PINX1: variants seen among roughly 807,000 people sequenced by gnomAD.
PINX1 encodes the protein PIN2/TERF1-interacting telomerase inhibitor 1.
Under a neutral mutation model 25.4 loss-of-function variants are expected in PINX1, and 34 were observed. The observed-to-expected ratio is 1.34, with a 90% confidence interval of 1.02 to 1.78. The LOEUF (loss-of-function observed/expected upper bound fraction) is 1.78, where lower values mean the gene tolerates loss of function less well. Ranked by LOEUF, PINX1 falls within the 40% of genes most tolerant of loss-of-function variation. PINX1 has a pLI of 0.00. For synonymous variants in PINX1, 197 were observed against 147.7 expected (o/e 1.33, Z -2.42); for missense variants, 592 against 404.9 (o/e 1.46, Z -3.97).
At chr8:10,825,156 T>G (rs1586200476) in intron 5 of PINX1, among the ~76,000 whole-genome samples, 2 of 152,224 alleles carry the variant, frequency 1.3e-5, no homozygotes, top group Non-Finnish European at 2.9e-5. Flanking sequence ...TTTGGGCTCC[T>G]GGCCCTAAAT....
chr8:10,804,120 A>G (rs1013678421), intron 6 of PINX1, among the ~76,000 whole-genome samples: 4 of 152,200 alleles, frequency 2.6e-5, no homozygotes, highest in Non-Finnish European at 4.4e-5. Flanking sequence ...GAAGACACAC[A>G]CTGTTGAAAG....
At chr8:10,784,339 C>T (rs1272789814) in intron 6 of PINX1, among the ~76,000 whole-genome samples, 1 of 152,208 alleles carries the variant, frequency 6.6e-6, no homozygotes, top group Non-Finnish European at 1.5e-5. Context: ...TAAGCAGGCA[C>T]ACAAATCCAA....
rs1033796532 is a variant in PINX1 at position 10,834,070 on chromosome 8, A to G, written c.129+596T>C. ...TAATTCAAAGTGTGGCAAGGGAATGAATGAGATCACTGCAGCAAAGTGCAA... is the reference window on the plus strand; with the variant it reads ...TAATTCAAAGTGTGGCAAGGGAATGGATGAGATCACTGCAGCAAAGTGCAA... On this transcript the variant is annotated intron_variant, in intron 2 of 6. Coordinates refer to ENST00000314787, the MANE Select transcript of PINX1 (RefSeq NM_017884.6). 9.8e-5 allele frequency among the ~76,000 whole-genome samples: 15 copies of G among 152,304 alleles called. No homozygotes were observed. The East Asian group carries it at 2.9e-3, about 29-fold the overall frequency.
At chr8:10,793,448 T>A (rs949320765) in intron 6 of PINX1, among the ~76,000 whole-genome samples, 2 of 152,156 alleles carry the variant, frequency 1.3e-5, no homozygotes, top group Non-Finnish European at 2.9e-5. Context: ...ACAGCTGATG[T>A]GCTATTTAAA....
Position 10,839,817 on chromosome 8 carries a change from T to G in PINX1, c.-61A>C. The G allele has an allele frequency of 6.5e-7, 1 of 1,536,842 alleles. No individual in the cohort carries two copies. Among genetic ancestry groups the G allele is most frequent in the South Asian group, 1.2e-5 (1 of 84,820 alleles). On this transcript the variant is annotated 5_prime_UTR_variant, in exon 1 of 7. Transcript: ENST00000314787. ...GGGTGACTGCGGCCACTGGGCGGGC[T>G]GGAGACTCCAGGAGAATCAGGACGT...
intron 6 of PINX1, among the ~76,000 whole-genome samples, chr8:10,776,893 A>G (rs1282159118): frequency 6.6e-6 from 1 of 152,138 alleles, no homozygotes; most frequent in Non-Finnish European, 1.5e-5. Flanking sequence ...TGTTTTCATG[A>G]TGTCACAGAA....
At chr8:10,771,620 AC>A (rs1191849293) in intron 6 of PINX1, among the ~76,000 whole-genome samples, 2 of 152,236 alleles carry the variant, frequency 1.3e-5, no homozygotes, top group African/African-American at 2.4e-5. Context: ...CAACAAAGGC[AC>A]AAAGACACCA....
intron 6 of PINX1, among the ~76,000 whole-genome samples, chr8:10,809,396 G>A (rs1195161524): frequency 1.4e-4 from 21 of 152,168 alleles, no homozygotes; most frequent in Non-Finnish European, 1.5e-5. Context: ...GACAGAACAG[G>A]CCCCAAAAGT....
In PINX1 at chr8:10,765,392, G is replaced by T; in HGVS notation, c.*9C>A. 1 of 1,585,732 alleles carries T rather than the reference G, an allele frequency of 6.3e-7. No individual in the cohort carries two copies. Among genetic ancestry groups the T allele is most frequent in the African/African-American group, 1.3e-5 (1 of 74,332 alleles). On this transcript the variant is annotated 3_prime_UTR_variant, in exon 7 of 7. Transcript: ENST00000314787. ...GCTGAGTGGTCGGAAGGCCCCGGCT[G>T]GGAAGGATTCATTTGGAATCTTTCT...
intron 6 of PINX1, among the ~76,000 whole-genome samples, chr8:10,781,334 AAAATATGT>A (rs1185839283): frequency 6.6e-6 from 1 of 152,246 alleles, no homozygotes; most frequent in African/African-American, 2.4e-5. Context: ...TACCAAAGCA[AAAATATGT>A]AAACAGGACT....
chr8:10,775,990 C>G (rs542965371), intron 6 of PINX1, among the ~76,000 whole-genome samples: 13 of 152,300 alleles, frequency 8.5e-5, no homozygotes, highest in African/African-American at 3.1e-4. Flanking sequence ...GTAAAAGCCC[C>G]TGGGGATGCT....
intron 1 of PINX1, among the ~76,000 whole-genome samples, chr8:10,835,199 G>C (rs1798365406): frequency 6.6e-6 from 1 of 152,152 alleles, no homozygotes; most frequent in Admixed American, 6.5e-5. Context: ...CAATACCAAG[G>C]ATGCGCTTAA....
At chr8:10,837,490 C>G (rs1307329650) in intron 1 of PINX1, among the ~76,000 whole-genome samples, 2 of 152,184 alleles carry the variant, frequency 1.3e-5, no homozygotes, top group African/African-American at 4.8e-5. Flanking sequence ...CCTGAATCCC[C>G]CAGCACATCA....
intron 6 of PINX1, among the ~76,000 whole-genome samples, chr8:10,800,988 C>T (rs1482380304): frequency 6.6e-6 from 1 of 152,114 alleles, no homozygotes; most frequent in Non-Finnish European, 1.5e-5. Context: ...TGGGGGAGTC[C>T]CTGGCATCAG....
intron 6 of PINX1, among the ~76,000 whole-genome samples, chr8:10,799,427 T>A (rs1327679058): frequency 1.3e-5 from 2 of 152,218 alleles, no homozygotes; most frequent in Non-Finnish European, 2.9e-5. Context: ...TGTCTGCTCC[T>A]GTTTCCATCC....
chr8:10,816,354 C>A (rs551220950), intron 6 of PINX1, among the ~76,000 whole-genome samples: 2 of 152,304 alleles, frequency 1.3e-5, no homozygotes, highest in Non-Finnish European at 2.9e-5. Context: ...AAAGAAAAAA[C>A]CCTCATGACT....
chr8:10,771,853 C>G (rs1801233578), intron 6 of PINX1, among the ~76,000 whole-genome samples: 1 of 152,246 alleles, frequency 6.6e-6, no homozygotes, highest in Admixed American at 6.5e-5. Flanking sequence ...CCTCGTGATG[C>G]AAACTGCTTC....
chr8:10,813,378 G>A (rs955191108), intron 6 of PINX1, among the ~76,000 whole-genome samples: 2 of 152,082 alleles, frequency 1.3e-5, no homozygotes, highest in African/African-American at 4.8e-5. Context: ...AAAAATGAAG[G>A]CAATAAAGAG....
At chr8:10,818,154 G>A (rs1267636196) in intron 6 of PINX1, among the ~76,000 whole-genome samples, 1 of 151,966 alleles carries the variant, frequency 6.6e-6, no homozygotes, top group African/African-American at 2.4e-5. Flanking sequence ...ATTTATCACT[G>A]GAAGAAAACA....
Sources: allele counts gnomAD v4.1 joint callset (sites outside exome capture counted in the v4.1 genomes callset), GRCh38; gene constraint gnomAD v4.1.1; transcripts MANE v1.5; gene names NCBI Gene and HGNC (gene_info 2026-07-23, HGNC 2026-07-21).